TENM4: variants seen among roughly 807,000 people sequenced by gnomAD.
TENM4 encodes teneurin-4.
A neutral mutation model predicts 243.3 loss-of-function variants in TENM4; 82 were observed. The observed-to-expected ratio is 0.34, with a 90% CI of 0.28 to 0.40. The LOEUF is 0.40. TENM4 is among the 10% of genes least tolerant of loss of function. The pLI is 1.00. For synonymous variants in TENM4, 1,412 were observed against 1,456.3 expected, an observed-to-expected ratio of 0.97 and a Z score of 0.69; for missense variants, 3,138 against 3,673.3, an observed-to-expected ratio of 0.85 and a Z score of 3.77.
chr11:78,796,565 A>G (rs1319620425), intron 15 of TENM4, among the ~76,000 whole-genome samples: 1 of 152,154 alleles, frequency 6.6e-6, no homozygotes, highest in Non-Finnish European at 1.5e-5. Flanking sequence ...CTGTCCCCCA[A>G]GAACCTCCAA....
At chr11:79,138,420 A>T (rs1438264059) in intron 4 of TENM4, among the ~76,000 whole-genome samples, 1 of 116,858 alleles carries the variant, frequency 8.6e-6, no homozygotes, top group African/African-American at 3.5e-5. Context: ...AATATATATT[A>T]TATTATATAT....
intron 3 of TENM4, among the ~76,000 whole-genome samples, chr11:79,180,206 T>C (rs1473524933): frequency 6.6e-6 from 1 of 151,502 alleles, no homozygotes; most frequent in Non-Finnish European, 1.5e-5. Flanking sequence ...AAACCCAAGG[T>C]GAGAGCAGAT....
intron 6 of TENM4, among the ~76,000 whole-genome samples, chr11:78,933,566 C>T (rs79506940): frequency 0.033 from 5,033 of 152,238 alleles, 304 homozygotes; most frequent in African/African-American, 0.11. Context: ...ACTCAAACAC[C>T]CAGCCACGTT....
intron 3 of TENM4, among the ~76,000 whole-genome samples, chr11:79,203,471 A>C (rs1863788194): frequency 6.6e-6 from 1 of 152,250 alleles, no homozygotes; most frequent in African/African-American, 2.4e-5. Context: ...TCCCCAGTGG[A>C]TGCCTGAAAT....
chr11:79,362,605 C>T (rs1857608720), intron 1 of TENM4, among the ~76,000 whole-genome samples: 1 of 152,190 alleles, frequency 6.6e-6, no homozygotes, highest in Non-Finnish European at 1.5e-5. Flanking sequence ...ATGCCTGGGG[C>T]AGCTCATCAG....
intron 2 of TENM4, among the ~76,000 whole-genome samples, chr11:79,265,838 G>T (rs551327793): frequency 6.6e-6 from 1 of 152,080 alleles, no homozygotes; most frequent in South Asian, 2.1e-4. Flanking sequence ...ATCTGTTCCC[G>T]TCTCTCACCT....
intron 9 of TENM4, among the ~76,000 whole-genome samples, chr11:78,877,447 A>C (rs114702210): frequency 0.021 from 3,131 of 152,366 alleles, 115 homozygotes; most frequent in African/African-American, 0.072. Context: ...CTTAAGTGCA[A>C]TTAAATTATG....
At position 79,391,823 on chromosome 11, in the gene TENM4, C is replaced by G. The variant is rs915187163; in HGVS notation, c.-321+48686G>C. 7.9e-5 allele frequency among the ~76,000 whole-genome samples: 12 copies of G among 152,142 alleles called. 1 individual carries two copies. Among genetic ancestry groups the G allele is most frequent in the Non-Finnish European group, 1.8e-4 (12 of 68,036 alleles). Reference sequence around the variant, plus strand: ...ACCAAATTCTGAAACACACCTCACCCCAAGGGCTTTCAATGATGGACTGTG... The same window carrying G: ...ACCAAATTCTGAAACACACCTCACCGCAAGGGCTTTCAATGATGGACTGTG... On this transcript the variant is annotated intron_variant, in intron 1 of 33. Coordinates refer to ENST00000278550, the MANE Select transcript of TENM4 (RefSeq NM_001098816.3).
chr11:79,109,527 T>C (rs1012390161), intron 4 of TENM4, among the ~76,000 whole-genome samples: 23 of 152,176 alleles, frequency 1.5e-4, no homozygotes, highest in African/African-American at 4.8e-4. Context: ...GCGGTTGCCA[T>C]GCAGGGGAGA....
At chr11:78,667,308 C>T (rs1173084891) in intron 32 of TENM4, among the ~76,000 whole-genome samples, 2 of 152,160 alleles carry the variant, frequency 1.3e-5, no homozygotes, top group African/African-American at 4.8e-5. Flanking sequence ...CAACATGGAA[C>T]TCTTCTTGAA....
At chr11:79,207,072 G>T (rs752409595) in intron 3 of TENM4, among the ~76,000 whole-genome samples, 3 of 152,168 alleles carry the variant, frequency 2.0e-5, no homozygotes, top group Non-Finnish European at 4.4e-5. Context: ...TGCTGGGAAG[G>T]CCACAGAGAC....
intron 21 of TENM4, among the ~76,000 whole-genome samples, chr11:78,730,537 G>A (rs77927478): frequency 0.031 from 4,736 of 152,074 alleles, 245 homozygotes; most frequent in African/African-American, 0.11. Flanking sequence ...GCTATGACCC[G>A]GGGAACGCTC....
At position 78,887,714 on chromosome 11, in the gene TENM4, C is replaced by T. The variant is rs150804028; in HGVS notation, c.1084+2071G>A. On this transcript the variant is annotated intron_variant, in intron 9 of 33. Coordinates refer to ENST00000278550, the MANE Select transcript of TENM4 (RefSeq NM_001098816.3). ...GAGAGCTCACTAATTCCCACAGTTG[C>T]CCCTATCTTTAAATAGCTGAAGACT... Among the ~76,000 whole-genome samples the T allele has an allele frequency of 1.9e-3, 282 of 152,276 alleles. 2 individuals are homozygous for T. Among genetic ancestry groups the T allele is most frequent in the African/African-American group, 6.5e-3 (270 of 41,552 alleles).
intron 3 of TENM4, among the ~76,000 whole-genome samples, chr11:79,164,150 C>CAT (rs1340926074): frequency 2.6e-5 from 3 of 115,830 alleles, no homozygotes; most frequent in African/African-American, 3.5e-5. Flanking sequence ...TGTATATATA[C>CAT]AGTATATATA....
chr11:79,156,201 G>A lies in TENM4; in HGVS notation c.-162-7395C>T, dbSNP rs117729310. 4.5e-4 allele frequency among the ~76,000 whole-genome samples: 68 copies of A among 152,186 alleles called. No homozygotes were observed. In the East Asian group the frequency reaches 7.0e-3, roughly 16 times the overall value. On this transcript the variant is annotated intron_variant, in intron 3 of 33. Coordinates refer to ENST00000278550, the MANE Select transcript of TENM4 (RefSeq NM_001098816.3). ...AGGTCTGGGCTTGCACTGTGGCTCC[G>A]GCCACTTGGCAGCCTGAGGAAGTGA...
intron 6 of TENM4, among the ~76,000 whole-genome samples, chr11:78,995,702 T>G (rs1031372555): frequency 6.6e-6 from 1 of 151,976 alleles, no homozygotes; most frequent in African/African-American, 2.4e-5. Flanking sequence ...GCTTTTTTTT[T>G]TTTTTCTTAA....
At chr11:79,296,325 C>G (rs556305) in intron 2 of TENM4, among the ~76,000 whole-genome samples, 118,726 of 151,686 alleles carry the variant, frequency 0.78, 46,829 homozygotes, top group Middle Eastern at 0.9. Context: ...AGAAGGGGGC[C>G]GGGGGGCTGT....
chr11:79,207,171 G>A (rs1286163858), intron 3 of TENM4, among the ~76,000 whole-genome samples: 1 of 152,174 alleles, frequency 6.6e-6, no homozygotes, highest in East Asian at 1.9e-4. Context: ...GGGGGACCTG[G>A]GAGAATGAGC....
chr11:79,116,232 C>T (rs1046453658), intron 4 of TENM4, among the ~76,000 whole-genome samples: 10 of 152,182 alleles, frequency 6.6e-5, no homozygotes, highest in East Asian at 1.9e-4. Context: ...CTCACTTATT[C>T]GGTGACACTT....
Sources: allele counts gnomAD v4.1 joint callset (sites outside exome capture counted in the v4.1 genomes callset), GRCh38; gene constraint gnomAD v4.1.1; transcripts MANE v1.5; gene names NCBI Gene and HGNC (gene_info 2026-07-23, HGNC 2026-07-21).